The following HERC3 variants were observed in gnomAD, a reference collection of about 807,000 sequenced individuals.
HERC3 encodes probable E3 ubiquitin-protein ligase HERC3.
A neutral mutation model predicts 129.9 loss-of-function variants in HERC3; 58 were observed. That is an observed-to-expected ratio of 0.45 (90% CI 0.36 to 0.56). HERC3 has a LOEUF of 0.56. Among genes scored for constraint, HERC3 ranks in the 20% least tolerant of loss-of-function variants. HERC3 has a pLI of 0.00. For missense variants in HERC3, 835 were observed against 1,244.2 expected (o/e 0.67, Z 4.95); for synonymous variants, 430 against 451.0 (o/e 0.95, Z 0.59).
the HERC3 span, among the ~76,000 whole-genome samples, chr4:88,578,912 C>T: frequency 2.0e-5 from 3 of 152,064 alleles, no homozygotes; most frequent in African/African-American, 7.2e-5. Flanking sequence ...ACAAAAAATG[C>T]TGTAGGAAGT....
the HERC3 span, among the ~76,000 whole-genome samples, chr4:88,529,953 C>T: frequency 6.6e-6 from 1 of 152,036 alleles, no homozygotes; most frequent in Admixed American, 6.6e-5. Flanking sequence ...CCTGTGTTCT[C>T]AGATTATATT....
At chr4:88,558,150 G>A in the HERC3 span, among the ~76,000 whole-genome samples, 1 of 150,996 alleles carries the variant, frequency 6.6e-6, no homozygotes, top group Non-Finnish European at 1.5e-5. Context: ...CCAGTACCAG[G>A]TATCTACCCA....
intron 3 of HERC3, among the ~76,000 whole-genome samples, chr4:88,635,492 A>G (rs1054662862): frequency 1.3e-5 from 2 of 152,258 alleles, no homozygotes; most frequent in Admixed American, 6.5e-5. Flanking sequence ...TCTGAGAAAT[A>G]TGGGACTATG....
chr4:88,653,547 C>A (rs971737090), intron 6 of HERC3, among the ~76,000 whole-genome samples: 7 of 152,062 alleles, frequency 4.6e-5, no homozygotes, highest in African/African-American at 1.4e-4. Flanking sequence ...CCCTGAGGGG[C>A]AGGGTGAGGA....
intron 16 of HERC3, among the ~76,000 whole-genome samples, chr4:88,670,725 A>G (rs1450860449): frequency 2.0e-5 from 3 of 152,126 alleles, no homozygotes; most frequent in Non-Finnish European, 4.4e-5. Flanking sequence ...TTTTTAAACC[A>G]TAATTAAAAA....
intron 10 of HERC3, among the ~76,000 whole-genome samples, chr4:88,661,880 A>G (rs1380853462): frequency 6.6e-6 from 1 of 152,206 alleles, no homozygotes; most frequent in Non-Finnish European, 1.5e-5. Context: ...TTTGGTGGAC[A>G]TTTATGGCAG....
the HERC3 span, among the ~76,000 whole-genome samples, chr4:88,529,510 C>G: frequency 6.6e-6 from 1 of 152,074 alleles, no homozygotes; most frequent in East Asian, 1.9e-4. Flanking sequence ...AATCCCAGCA[C>G]TTTGGGAGGC....
At chr4:88,543,286 C>T in the HERC3 span, among the ~76,000 whole-genome samples, 1 of 152,120 alleles carries the variant, frequency 6.6e-6, no homozygotes, top group Non-Finnish European at 1.5e-5. Flanking sequence ...CATTCCTATA[C>T]ACCAAGAACA....
At position 88,669,198 on chromosome 4, in the gene HERC3, T is replaced by C. The variant is rs76996493; in HGVS notation, c.1634-662T>C. ...AGTTGTCAGTATTTTGCCCATTTTATTTCATCTGTCCCTCGCCCTCACCAC... is the reference window on the plus strand; with the variant it reads ...AGTTGTCAGTATTTTGCCCATTTTACTTCATCTGTCCCTCGCCCTCACCAC... On this transcript the variant is annotated intron_variant, in intron 14 of 25. Transcript: ENST00000402738. Among the ~76,000 whole-genome samples, 1,233 of 152,280 alleles carry C rather than the reference T, an allele frequency of 8.1e-3. 14 individuals carry two copies. The highest frequency in any genetic ancestry group is 0.028 in the African/African-American group (1,169 of 41,556).
At chr4:88,664,087 G>A in intron 11 of HERC3, 66 bp from the exon 12 acceptor site, 1 of 1,358,456 alleles carries the variant, frequency 7.4e-7, no homozygotes, top group Non-Finnish European at 1.0e-6. Flanking sequence ...CTTTATTATT[G>A]ATGCTTAAAT....
At chr4:88,535,936 G>A in the HERC3 span, among the ~76,000 whole-genome samples, 1 of 152,214 alleles carries the variant, frequency 6.6e-6, no homozygotes, top group Non-Finnish European at 1.5e-5. Context: ...AAAGATGGGA[G>A]TGCATCCAAT....
chr4:88,523,989 G>A, the HERC3 span: 1 of 425,902 alleles, frequency 2.3e-6, no homozygotes, highest in Non-Finnish European at 4.1e-6. Flanking sequence ...AAGTCAAGGT[G>A]TCTGGGTTTT....
chr4:88,697,538 G>A, intron 23 of HERC3: 2 of 1,614,138 alleles, frequency 1.2e-6, no homozygotes, highest in Non-Finnish European at 1.7e-6. Flanking sequence ...GAATTAGGCA[G>A]GCTCTCGATA....
the HERC3 span, among the ~76,000 whole-genome samples, chr4:88,563,867 A>G: frequency 6.6e-6 from 1 of 152,108 alleles, no homozygotes; most frequent in Non-Finnish European, 1.5e-5. Context: ...CATGTTGACC[A>G]GGTTGATCTC....
chr4:88,652,077 C>T lies in HERC3; in HGVS notation c.452C>T (p.Ala151Val), dbSNP rs1469329577. 1.9e-6 allele frequency: 3 copies of T among 1,610,758 alleles called. No individual in the cohort carries two copies. Among genetic ancestry groups the T allele is most frequent in the Non-Finnish European group, 1.7e-6 (2 of 1,177,012 alleles). ...TCCTGTGGCAACTGGCATTGCTTGG[C>T]TCTTGCGGCTGGTAAAGTAACATTA... ...QVSCGNWHCL[A>V]LAADGQFFTW... Residue 151 changes from alanine (A) to valine (V), a missense_variant, in exon 5 of 26, where the codon GCT (alanine) becomes GTT (valine). Coordinates refer to ENST00000402738, the MANE Select transcript of HERC3 (RefSeq NM_014606.3).
chr4:88,581,688 G>A, the HERC3 span, among the ~76,000 whole-genome samples: 5 of 152,118 alleles, frequency 3.3e-5, no homozygotes, highest in Non-Finnish European at 7.3e-5. Flanking sequence ...CTGGGCCCAA[G>A]TGATCTGCCT....
At chr4:88,570,030 C>T in the HERC3 span, among the ~76,000 whole-genome samples, 1 of 152,240 alleles carries the variant, frequency 6.6e-6, no homozygotes. Context: ...CACACCACAC[C>T]TTTCCAGGGT....
chr4:88,543,478 A>G, the HERC3 span, among the ~76,000 whole-genome samples: 6 of 152,352 alleles, frequency 3.9e-5, no homozygotes, highest in African/African-American at 1.4e-4. Context: ...ATGGACAGGA[A>G]GAATCAATAT....
intron 3 of HERC3, among the ~76,000 whole-genome samples, chr4:88,611,914 C>T (rs1724370980): frequency 6.6e-6 from 1 of 152,152 alleles, no homozygotes; most frequent in African/African-American, 2.4e-5. Context: ...ACCCTGGGAG[C>T]CACATAATCT....
Sources: gnomAD v4.1 joint callset for allele counts (sites outside exome capture counted in the v4.1 genomes callset) on GRCh38, gnomAD v4.1.1 for gene constraint, MANE v1.5 for transcripts, NCBI Gene and HGNC (gene_info 2026-07-23, HGNC 2026-07-21) for gene names.